SMYD4: variants seen among roughly 807,000 people sequenced by gnomAD.
SMYD4 encodes the protein SET and MYND domain containing 4.
Under a neutral mutation model 72.8 loss-of-function variants are expected in SMYD4, and 68 were observed. The observed-to-expected ratio is 0.93, with a 90% CI of 0.77 to 1.14. The LOEUF is 1.14. Ranked by LOEUF, SMYD4 falls within the 50% of genes most tolerant of loss-of-function variation. The pLI, the probability that SMYD4 is intolerant of heterozygous loss-of-function variation, is 0.00. For missense variants in SMYD4, 984 were observed against 1,003.7 expected (o/e 0.98, Z 0.27); for synonymous variants, 407 against 388.6 (o/e 1.05, Z -0.56).
Position 1,800,064 on chromosome 17 carries a change from C to T in SMYD4, c.1330G>A (p.Ala444Thr). 1.2e-6 allele frequency: 2 copies of T among 1,612,530 alleles called. No individual in the cohort carries two copies. The highest frequency in any genetic ancestry group is 2.2e-5 in the South Asian group (2 of 90,916). ...CTGCACAGTGCAGAAACACAGAGAG[C>T]ACAGAGGAATTTGTGCTCTGGGCTA... is the stretch of plus-strand genomic sequence containing the variant. ...NHSPEHKFLC[A>T]LCVSALCRQL... Residue 444 changes from alanine (A) to threonine (T), a missense_variant, in exon 5 of 11, where the codon GCT becomes ACT. By Grantham distance (58) the Ala-to-Thr change is moderately conservative. Transcript: ENST00000305513.
intron 2 of SMYD4, among the ~76,000 whole-genome samples, chr17:1,817,916 G>T (rs867205441): frequency 6.6e-6 from 1 of 151,770 alleles, no homozygotes; most frequent in Admixed American, 6.6e-5. Flanking sequence ...GCGTGGTGGC[G>T]GGTGCCTGTA....
At chr17:1,816,393 G>T (rs1910593144) in intron 2 of SMYD4, among the ~76,000 whole-genome samples, 1 of 151,864 alleles carries the variant, frequency 6.6e-6, no homozygotes, top group Non-Finnish European at 1.5e-5. Context: ...GCCGAGGCGG[G>T]TGGATCACGA....
intron 5 of SMYD4, among the ~76,000 whole-genome samples, chr17:1,796,129 T>C (rs1187546154): frequency 2.0e-5 from 3 of 151,894 alleles, no homozygotes; most frequent in Admixed American, 6.6e-5. Flanking sequence ...AGAATAAGCA[T>C]GTATTTTTCT....
At chr17:1,799,629 C>T (rs1262066612) in intron 5 of SMYD4, among the ~76,000 whole-genome samples, 1 of 152,048 alleles carries the variant, frequency 6.6e-6, no homozygotes, top group Non-Finnish European at 1.5e-5. Context: ...TCACCTCGGC[C>T]TCCCAAAGTG....
chr17:1,807,505 C>A (rs1291537906), intron 3 of SMYD4, among the ~76,000 whole-genome samples: 1 of 151,588 alleles, frequency 6.6e-6, no homozygotes, highest in East Asian at 1.9e-4. Flanking sequence ...GGAGTATAGG[C>A]GCAGGCCCCA....
At chr17:1,804,820 G>C (rs1909954181) in intron 3 of SMYD4, 105 bp from the exon 4 acceptor site, 1 of 1,078,474 alleles carries the variant, frequency 9.3e-7, no homozygotes, top group Non-Finnish European at 1.4e-6. Context: ...GTGAAACTGG[G>C]AAAGTTACTG....
At chr17:1,827,831 A>G (rs1444098412) in intron 2 of SMYD4, 30 bp downstream of exon 2, 1 of 1,577,496 alleles carries the variant, frequency 6.3e-7, no homozygotes, top group Non-Finnish European at 8.7e-7. Context: ...TTTGGCTCAC[A>G]ATTCCCTTGT....
rs551523121 is a variant in SMYD4, at chr17:1,789,650, T to A, written c.1538-2046A>T. On this transcript the variant is annotated intron_variant, in intron 5 of 10. Coordinates refer to ENST00000305513, the MANE Select transcript of SMYD4 (RefSeq NM_052928.3). Reference sequence around the variant, plus strand: ...CGTGGTGGCGTGCACCAGTAATCCCTGCTACTCGGGAGGCTGAAGCAGGAG... The same window carrying A: ...CGTGGTGGCGTGCACCAGTAATCCCAGCTACTCGGGAGGCTGAAGCAGGAG... Among the ~76,000 whole-genome samples, 12 of 148,932 alleles carry A rather than the reference T, an allele frequency of 8.1e-5. No homozygotes were observed. The South Asian group carries it at 1.3e-3, about 16-fold the overall frequency.
At position 1,799,040 on chromosome 17, in the gene SMYD4, G is replaced by A. The variant is rs533121185; in HGVS notation, c.1537+817C>T. 1.1e-4 allele frequency among the ~76,000 whole-genome samples: 17 copies of A among 152,192 alleles called. 1 individual carries two copies. The South Asian group carries it at 3.5e-3, about 32-fold the overall frequency. ...TAATCCCAGCACTTTGGGAGGCTGA[G>A]GCGGGCGGATCACGAGGTCAGGAGA... On this transcript the variant is annotated intron_variant, in intron 5 of 10. Coordinates refer to ENST00000305513, the MANE Select transcript of SMYD4 (RefSeq NM_052928.3).
chr17:1,787,637 G>A (rs757649679), intron 5 of SMYD4, 33 bp from the exon 6 acceptor site: 2 of 1,534,018 alleles, frequency 1.3e-6, no homozygotes, highest in Non-Finnish European at 1.8e-6. Context: ...GGAAAAAGGT[G>A]TCAGCACATG....
rs114972991 is a variant in SMYD4 at position 1,824,405 on chromosome 17, C to T, written c.134+3456G>A. 4.3e-3 allele frequency among the ~76,000 whole-genome samples: 652 copies of T among 152,114 alleles called. 1 individual carries two copies. The highest frequency in any genetic ancestry group is 0.015 in the African/African-American group (614 of 41,496). On this transcript the variant is annotated intron_variant, in intron 2 of 10. Coordinates refer to ENST00000305513, the MANE Select transcript of SMYD4 (RefSeq NM_052928.3). ...CACAGTAATTAAAACCCTTTTGTTC[C>T]GGCACAGATCTAGAGCCTAGAAACA...
At chr17:1,798,771 A>G (rs1333033880) in intron 5 of SMYD4, among the ~76,000 whole-genome samples, 1 of 152,074 alleles carries the variant, frequency 6.6e-6, no homozygotes, top group Non-Finnish European at 1.5e-5. Context: ...ATGGTGGCGC[A>G]TGCTTGTAAT....
chr17:1,783,134 T>C lies in SMYD4; in HGVS notation c.2162A>G (p.His721Arg). The change falls in exon 10 of 11, where the codon CAT becomes CGT. Residue 721 changes from histidine (H) to arginine (R), a missense_variant. Coordinates refer to ENST00000305513, the MANE Select transcript of SMYD4 (RefSeq NM_052928.3). ...ALGDWQKSAT[H>R]LQRSLYVVEV... ...CACCACGTAGAGACTCCTCTGTAGA[T>C]GGGTGGCTGACTTTTGCCAGTCTCC... 1 of 1,614,188 alleles carries C rather than the reference T, an allele frequency of 6.2e-7. No homozygotes were observed. The highest frequency in any genetic ancestry group is 2.2e-5 in the East Asian group (1 of 44,884).
In SMYD4 at chr17:1,801,623, T is replaced by C. The variant is rs1397098330; in HGVS notation, c.370-599A>G. The stretch of plus-strand genomic sequence containing the variant: ...TAGCATGGTGACTAACAGGCAGGCT[T>C]TGAAAAAAAAAAAAAAAAAAAAAGA... On this transcript the variant is annotated intron_variant, in intron 4 of 10. Transcript: ENST00000305513. 4.0e-5 allele frequency among the ~76,000 whole-genome samples: 5 copies of C among 123,672 alleles called. No individual in the cohort carries two copies. In the East Asian group the frequency reaches 1.0e-3, roughly 26 times the overall value. The allele number at this position is 123,672 out of a possible 152,430, so 81.1% of individuals were successfully genotyped here.
At chr17:1,792,146 C>T (rs1323519699) in intron 5 of SMYD4, among the ~76,000 whole-genome samples, 1 of 151,920 alleles carries the variant, frequency 6.6e-6, no homozygotes, top group East Asian at 2.0e-4. Context: ...GGGTTCACAC[C>T]ATTCTCCTGC....
intron 5 of SMYD4, among the ~76,000 whole-genome samples, chr17:1,791,369 A>C (rs1050227309): frequency 6.6e-6 from 1 of 152,054 alleles, no homozygotes; most frequent in Non-Finnish European, 1.5e-5. Flanking sequence ...ACTTTGATTA[A>C]ACAGGATTTA....
At chr17:1,791,116 CAAAAAAAA>C (rs56079708) in intron 5 of SMYD4, among the ~76,000 whole-genome samples, 1 of 86,648 alleles carries the variant, frequency 1.2e-5, no homozygotes, top group Non-Finnish European at 2.2e-5. Flanking sequence ...TGGCCCGTCT[CAAAAAAAA>C]AAAAAAAAAA....
At chr17:1,782,903 G>C (rs1180273187) in intron 10 of SMYD4, 132 bp downstream of exon 10, 1 of 1,386,208 alleles carries the variant, frequency 7.2e-7, no homozygotes, top group African/African-American at 1.5e-5. Context: ...AAAACAGAAG[G>C]CAAAGATCTC....
chr17:1,818,237 G>C (rs1245537398), intron 2 of SMYD4, among the ~76,000 whole-genome samples: 1 of 152,024 alleles, frequency 6.6e-6, no homozygotes, highest in East Asian at 1.9e-4. Context: ...AGAACTCTGG[G>C]GATGTAAAGC....
Sources: gnomAD v4.1 joint callset for allele counts (sites outside exome capture counted in the v4.1 genomes callset) on GRCh38, gnomAD v4.1.1 for gene constraint, MANE v1.5 for transcripts, NCBI Gene and HGNC (gene_info 2026-07-23, HGNC 2026-07-21) for gene names.